Variants in SNX29 observed in about 807,000 individuals in gnomAD.
SNX29 encodes the protein sorting nexin-29.
SNX29 carries 78 observed loss-of-function variants against 102.1 expected under a neutral mutation model. The ratio of observed to expected loss-of-function variants is 0.76; its 90% CI spans 0.64 to 0.92. SNX29 has a LOEUF of 0.92. SNX29 is among the 40% of genes least tolerant of loss of function. The pLI is 0.00. For missense variants in SNX29, 1,280 were observed against 1,061.7 expected (o/e 1.21, Z -2.86); for synonymous variants, 580 against 414.5 (o/e 1.40, Z -4.85).
intron 18 of SNX29, among the ~76,000 whole-genome samples, chr16:12,474,581 A>T (rs772413889): frequency 6.6e-6 from 1 of 152,200 alleles, no homozygotes; most frequent in Admixed American, 6.5e-5. Flanking sequence ...TTGCATATAC[A>T]TTATGAAAAA....
chr16:12,413,525 G>C (rs1278349954), intron 18 of SNX29, among the ~76,000 whole-genome samples: 6 of 152,070 alleles, frequency 3.9e-5, no homozygotes. Context: ...GGATACTGTG[G>C]AGAAGGAAGC....
At chr16:12,548,200 C>T (rs1304789034) in intron 20 of SNX29, among the ~76,000 whole-genome samples, 1 of 152,092 alleles carries the variant, frequency 6.6e-6, no homozygotes, top group South Asian at 2.1e-4. Flanking sequence ...ACAGCGCCTC[C>T]CACAAGGCCA....
At chr16:12,270,385 G>A (rs568325255) in intron 14 of SNX29, among the ~76,000 whole-genome samples, 11 of 152,256 alleles carry the variant, frequency 7.2e-5, no homozygotes, top group Middle Eastern at 3.4e-3. Context: ...ATGACTTGAC[G>A]TTACTCAGAC....
chr16:12,546,751 C>T (rs2077630334), intron 20 of SNX29: 1 of 146,464 alleles, frequency 6.8e-6, no homozygotes, highest in Non-Finnish European at 1.5e-5. Context: ...GAAAATTAGA[C>T]ATTTAAACAG....
chr16:12,521,318 C>G (rs577396390), intron 19 of SNX29, among the ~76,000 whole-genome samples: 4 of 152,176 alleles, frequency 2.6e-5, no homozygotes, highest in African/African-American at 9.6e-5. Flanking sequence ...TAGAGCAGAA[C>G]CTGGCTTAGG....
chr16:12,055,385 C>T (rs577532349), intron 8 of SNX29, among the ~76,000 whole-genome samples: 1 of 152,072 alleles, frequency 6.6e-6, no homozygotes, highest in South Asian at 2.1e-4. Flanking sequence ...AGGTACCTAC[C>T]ACACCCCGCT....
At chr16:12,425,536 AAAAAAAAAT>A (rs1210080858) in intron 18 of SNX29, among the ~76,000 whole-genome samples, 1 of 132,044 alleles carries the variant, frequency 7.6e-6, no homozygotes, top group Non-Finnish European at 1.7e-5. Context: ...AGTTAAAAAA[AAAAAAAAAT>A]AAAAAAAATA....
At chr16:12,206,082 C>A (rs2077037548) in intron 14 of SNX29, among the ~76,000 whole-genome samples, 1 of 152,272 alleles carries the variant, frequency 6.6e-6, no homozygotes, top group African/African-American at 2.4e-5. Context: ...GTTGTGCCTC[C>A]AGCTGGATTC....
At chr16:12,560,584 C>A (rs376541654) in intron 20 of SNX29, among the ~76,000 whole-genome samples, 2 of 152,204 alleles carry the variant, frequency 1.3e-5, no homozygotes, top group African/African-American at 4.8e-5. Context: ...GTCTGTCCAT[C>A]TGTACCTCTC....
chr16:12,519,764 G>T (rs2090021102), intron 19 of SNX29, among the ~76,000 whole-genome samples: 1 of 152,156 alleles, frequency 6.6e-6, no homozygotes, highest in African/African-American at 2.4e-5. Flanking sequence ...CGAGGCAGGT[G>T]GATCACCTGA....
At chr16:12,561,541 C>T (rs770417264) in intron 20 of SNX29, among the ~76,000 whole-genome samples, 63 of 152,148 alleles carry the variant, frequency 4.1e-4, no homozygotes, top group Admixed American at 4.0e-3. Context: ...CTCCTCGCAG[C>T]CATTTTCACT....
rs1328314518 is a variant in SNX29, at chr16:12,570,768, A to G, written c.*2139A>G. On this transcript the variant is annotated 3_prime_UTR_variant, in exon 21 of 21. Coordinates refer to ENST00000566228, the MANE Select transcript of SNX29 (RefSeq NM_032167.5). ...AGGAAGCACCTTGGACATTCTGCACATGATAATAATGCAACAGTCCCCCAT... is the reference window on the plus strand; with the variant it reads ...AGGAAGCACCTTGGACATTCTGCACGTGATAATAATGCAACAGTCCCCCAT... The G allele has an allele frequency of 2.9e-5, 5 of 170,370 alleles. No individual in the cohort carries two copies. Among genetic ancestry groups the G allele is most frequent in the African/African-American group, 2.1e-4 (5 of 23,362 alleles). The allele number at this position is 170,370 out of a possible 1,614,324, so 10.6% of individuals were successfully genotyped here.
intron 16 of SNX29, chr16:12,374,494 A>G (rs2082801487): frequency 6.6e-6 from 1 of 152,274 alleles, no homozygotes; most frequent in Non-Finnish European, 1.5e-5. Context: ...TGGTGATCGT[A>G]GAGTGATGTT....
chr16:12,269,248 CTG>C (rs2079021764), intron 14 of SNX29, among the ~76,000 whole-genome samples: 1 of 152,258 alleles, frequency 6.6e-6, no homozygotes, highest in Admixed American at 6.5e-5. Flanking sequence ...GGTAAGTAGA[CTG>C]CGGATTTTTC....
chr16:12,160,076 G>T (rs1596387132), intron 13 of SNX29, among the ~76,000 whole-genome samples: 1 of 152,208 alleles, frequency 6.6e-6, no homozygotes, highest in Non-Finnish European at 1.5e-5. Flanking sequence ...GGGCCAAGTG[G>T]GAATGATGAG....
At chr16:12,088,943 C>T (rs369173812) in intron 11 of SNX29, among the ~76,000 whole-genome samples, 19 of 152,222 alleles carry the variant, frequency 1.2e-4, no homozygotes, top group African/African-American at 4.1e-4. Flanking sequence ...CAAAAATTAG[C>T]TGGGCATAGT....
chr16:12,518,334 C>G (rs1486404613), intron 19 of SNX29, among the ~76,000 whole-genome samples: 1 of 152,208 alleles, frequency 6.6e-6, no homozygotes, highest in African/African-American at 2.4e-5. Context: ...TCTTACACCT[C>G]TGGAGCCGCT....
intron 18 of SNX29, among the ~76,000 whole-genome samples, chr16:12,440,509 G>A (rs2085750801): frequency 6.6e-6 from 1 of 152,140 alleles, no homozygotes. Flanking sequence ...CTTGTGCCAT[G>A]GGGGTTAGCT....
chr16:12,414,311 C>T (rs551017069), intron 18 of SNX29, among the ~76,000 whole-genome samples: 29 of 152,278 alleles, frequency 1.9e-4, no homozygotes, highest in African/African-American at 7.0e-4. Context: ...GAGATCGAGG[C>T]TGCAGTGAGC....
Sources: gnomAD v4.1 joint callset for allele counts (sites outside exome capture counted in the v4.1 genomes callset) on GRCh38, gnomAD v4.1.1 for gene constraint, MANE v1.5 for transcripts, NCBI Gene and HGNC (gene_info 2026-07-23, HGNC 2026-07-21) for gene names.